NCAM2: variants seen among roughly 807,000 people sequenced by gnomAD.
NCAM2 encodes N-CAM-2.
NCAM2 carries 30 observed loss-of-function variants against 98.1 expected under a neutral mutation model. The observed-to-expected ratio is 0.31, with a 90% CI of 0.23 to 0.41. The LOEUF (loss-of-function observed/expected upper bound fraction) is 0.41, where lower values mean the gene tolerates loss of function less well. NCAM2 is among the 10% of genes least tolerant of loss of function. The pLI is 1.00. For missense variants in NCAM2, 867 were observed against 1,005.8 expected (o/e 0.86, Z 1.87); for synonymous variants, 368 against 342.4 (o/e 1.07, Z -0.83).
At chr21:21,459,215 A>G (rs1396828055) in intron 12 of NCAM2, among the ~76,000 whole-genome samples, 2 of 151,938 alleles carry the variant, frequency 1.3e-5, no homozygotes, top group African/African-American at 4.8e-5. Flanking sequence ...GCAAGCATGT[A>G]GAGAAACGGT....
intron 4 of NCAM2, among the ~76,000 whole-genome samples, chr21:21,289,047 G>C (rs948673154): frequency 6.6e-6 from 1 of 151,788 alleles, no homozygotes; most frequent in Non-Finnish European, 1.5e-5. Flanking sequence ...GTGATGGAGG[G>C]ATATGCTATT....
chr21:21,400,059 A>G (rs2076596153), intron 9 of NCAM2, among the ~76,000 whole-genome samples: 1 of 152,226 alleles, frequency 6.6e-6, no homozygotes, highest in South Asian at 2.1e-4. Flanking sequence ...ATAACTTGGT[A>G]CCAAGTCCAA....
intron 10 of NCAM2, among the ~76,000 whole-genome samples, chr21:21,414,761 G>A (rs1043898370): frequency 3.3e-5 from 5 of 152,034 alleles, no homozygotes; most frequent in African/African-American, 9.7e-5. Flanking sequence ...GAGCCACCGC[G>A]CCCGGCCACA....
intron 1 of NCAM2, among the ~76,000 whole-genome samples, chr21:21,262,658 C>CTAAAA: frequency 1.3e-5 from 1 of 78,966 alleles, no homozygotes; most frequent in South Asian, 6.3e-4. Flanking sequence ...AACAATCAGT[C>CTAAAA]AAAAAAAAAA....
chr21:21,062,567 G>C (rs1047173692), intron 1 of NCAM2, among the ~76,000 whole-genome samples: 1 of 152,150 alleles, frequency 6.6e-6, no homozygotes, highest in Non-Finnish European at 1.5e-5. Context: ...TAACGCTACC[G>C]ATATCTTGAT....
chr21:21,298,789 A>G (rs2073594074), intron 5 of NCAM2, among the ~76,000 whole-genome samples: 1 of 151,672 alleles, frequency 6.6e-6, no homozygotes, highest in African/African-American at 2.4e-5. Context: ...TCATAATATC[A>G]TATTTGAAAA....
chr21:21,313,061 G>T (rs1035015902), intron 5 of NCAM2, among the ~76,000 whole-genome samples: 6 of 151,754 alleles, frequency 4.0e-5, no homozygotes, highest in East Asian at 1.9e-4. Flanking sequence ...TGTACAATCT[G>T]TGCTGATATC....
chr21:21,036,416 T>A (rs954492685), intron 1 of NCAM2, among the ~76,000 whole-genome samples: 1 of 152,192 alleles, frequency 6.6e-6, no homozygotes, highest in African/African-American at 2.4e-5. Context: ...TCTTATCTCT[T>A]ATGACACCAA....
At chr21:21,320,016 G>A (rs977373033) in intron 5 of NCAM2, among the ~76,000 whole-genome samples, 4 of 152,148 alleles carry the variant, frequency 2.6e-5, no homozygotes, top group Middle Eastern at 3.4e-3. Flanking sequence ...TGATCCTCAC[G>A]CTTCTACAGT....
rs1332984696 is a variant in NCAM2, at chr21:21,173,997, C to A, written c.56-106581C>A. ...GGAGTGCAGTGGCGCAATCTCAGCT[C>A]ACTGCAACCTCCGCCTCCCGAGTTC... On this transcript the variant is annotated intron_variant, in intron 1 of 17. Coordinates refer to ENST00000400546, the MANE Select transcript of NCAM2 (RefSeq NM_004540.5). Among the ~76,000 whole-genome samples the A allele has an allele frequency of 2.0e-5, 3 of 152,134 alleles. No homozygotes were observed. The East Asian group carries it at 5.8e-4, about 29-fold the overall frequency.
rs1002288602 is a variant in NCAM2, at chr21:21,030,266, G to T, written c.55+31648G>T. Among the ~76,000 whole-genome samples the T allele has an allele frequency of 2.0e-5, 3 of 152,162 alleles. 1 individual carries two copies. Among genetic ancestry groups the T allele is most frequent in the African/African-American group, 7.2e-5 (3 of 41,440 alleles). On this transcript the variant is annotated intron_variant, in intron 1 of 17. Coordinates refer to ENST00000400546, the MANE Select transcript of NCAM2 (RefSeq NM_004540.5). The stretch of plus-strand genomic sequence containing the variant: ...TTACAGATGATGAAAGCAATTCTCA[G>T]AAATTTTGTGACTTAGTTTGAAGAC...
At chr21:21,172,992 A>G (rs1272180976) in intron 1 of NCAM2, among the ~76,000 whole-genome samples, 3 of 152,156 alleles carry the variant, frequency 2.0e-5, no homozygotes, top group Non-Finnish European at 4.4e-5. Flanking sequence ...ATGAGACTCA[A>G]TAAGGGTGGA....
At chr21:21,022,624 A>G (rs1172080773) in intron 1 of NCAM2, among the ~76,000 whole-genome samples, 1 of 152,190 alleles carries the variant, frequency 6.6e-6, no homozygotes, top group Non-Finnish European at 1.5e-5. Flanking sequence ...TAAAGAATAG[A>G]TTAAAACATA....
rs116882132 is a variant in NCAM2, at chr21:21,165,958, C to T, written c.56-114620C>T. On this transcript the variant is annotated intron_variant, in intron 1 of 17. Coordinates refer to ENST00000400546, the MANE Select transcript of NCAM2 (RefSeq NM_004540.5). ...ATTTGACTATGCTATGAGAGCTCCC[C>T]ATAACCTTTCCTGTTTAATGATGGG... Among the ~76,000 whole-genome samples, 957 of 152,238 alleles carry T rather than the reference C, an allele frequency of 6.3e-3. 4 individuals carry two copies. Among genetic ancestry groups the T allele is most frequent in the Non-Finnish European group, 0.01 (702 of 68,012 alleles).
chr21:21,343,352 TACACATACACAC>T lies in NCAM2; in HGVS notation c.1044+4824_1044+4835del, dbSNP rs1157811375. On this transcript the variant is annotated intron_variant, in intron 8 of 17. Transcript: ENST00000400546. ...AGGACACCAAGTTAACAACTATCTATACACATACACACACACACACACACACACACACACACA... is the reference window on the plus strand; with the variant it reads ...AGGACACCAAGTTAACAACTATCTATACACACACACACACACACACACACA... Among the ~76,000 whole-genome samples, 922 of 110,160 alleles carry T rather than the reference TACACATACACAC, an allele frequency of 8.4e-3. 14 individuals are homozygous for T. The highest frequency in any genetic ancestry group is 0.03 in the African/African-American group (841 of 28,498). The allele number at this position is 110,160 out of a possible 152,430, so 72.3% of individuals were successfully genotyped here. A position where few individuals can be genotyped will look rare whatever the true frequency, so the allele number is the denominator to read the frequency against.
chr21:21,295,867 A>C (rs1172737709), intron 5 of NCAM2, among the ~76,000 whole-genome samples: 3 of 151,622 alleles, frequency 2.0e-5, no homozygotes, highest in Non-Finnish European at 4.4e-5. Context: ...GTCTTTAAAC[A>C]ATCAATTTAA....
chr21:21,090,096 A>G (rs1401550434), intron 1 of NCAM2, among the ~76,000 whole-genome samples: 1 of 152,176 alleles, frequency 6.6e-6, no homozygotes, highest in Non-Finnish European at 1.5e-5. Context: ...GCAACTGGAC[A>G]TTGATGGAAA....
At chr21:21,042,690 G>A (rs988424568) in intron 1 of NCAM2, among the ~76,000 whole-genome samples, 12 of 152,110 alleles carry the variant, frequency 7.9e-5, no homozygotes, top group African/African-American at 2.9e-4. Context: ...ATTTCCCAGA[G>A]CATCTGTTAT....
At chr21:21,406,978 C>T (rs899909158) in intron 9 of NCAM2, among the ~76,000 whole-genome samples, 7 of 152,138 alleles carry the variant, frequency 4.6e-5, no homozygotes, top group East Asian at 3.9e-4. Context: ...ATTCTTTTCT[C>T]CTTTTTCCCC....
Sources: gnomAD v4.1 joint callset for allele counts (sites outside exome capture counted in the v4.1 genomes callset) on GRCh38, gnomAD v4.1.1 for gene constraint, MANE v1.5 for transcripts, NCBI Gene and HGNC (gene_info 2026-07-23, HGNC 2026-07-21) for gene names.